The following ASAP1 variants were observed in gnomAD, a reference collection of about 807,000 sequenced individuals.
ASAP1 encodes the protein ArfGAP with SH3 domain, ankyrin repeat and PH domain 1, also known as arf-GAP with SH3 domain, ANK repeat and PH domain-containing protein 1.
In ASAP1, 43 loss-of-function variants were observed where a neutral mutation model predicts 145.2. The observed-to-expected ratio is 0.30, with a 90% CI of 0.23 to 0.38. The LOEUF (loss-of-function observed/expected upper bound fraction) is 0.38. Among genes scored for constraint, ASAP1 ranks in the 10% least tolerant of loss-of-function variants. The pLI, the probability that ASAP1 is intolerant of heterozygous loss-of-function variation, is 1.00. For missense variants in ASAP1, 1,018 were observed against 1,355.3 expected, an observed-to-expected ratio of 0.75 and a Z score of 3.91; for synonymous variants, 546 against 515.5, an observed-to-expected ratio of 1.06 and a Z score of -0.80.
chr8:130,209,847 T>C (rs892568806), intron 5 of ASAP1, among the ~76,000 whole-genome samples: 8 of 152,170 alleles, frequency 5.3e-5, no homozygotes, highest in Admixed American at 4.6e-4. Context: ...ACTCCAGTAT[T>C]TGCCAAACAT....
chr8:130,177,677 T>C (rs554015452), intron 9 of ASAP1, among the ~76,000 whole-genome samples: 1 of 152,340 alleles, frequency 6.6e-6, no homozygotes, highest in Non-Finnish European at 1.5e-5. Context: ...AAGACACTTA[T>C]ATAAGGTACA....
chr8:130,169,033 A>G lies in ASAP1; in HGVS notation c.781T>C (p.Leu261=). The change falls in exon 10 of 30, where the codon TTG becomes CTG. Residue 261 remains leucine (L), a synonymous_variant. Coordinates refer to ENST00000518721, the MANE Select transcript of ASAP1 (RefSeq NM_018482.4). Reference sequence around the variant, plus strand: ...GCCAGTTTTTCAATGTACTGTTTCAACTTATCAGCTGTTTTCAAGCCATCT... The same window carrying G: ...GCCAGTTTTTCAATGTACTGTTTCAGCTTATCAGCTGTTTTCAAGCCATCT... ...FQDGLKTADK[L]KQYIEKLAAD... 6.3e-7 allele frequency: 1 copy of G among 1,576,154 alleles called. No homozygotes were observed. The highest frequency in any genetic ancestry group is 1.2e-5 in the South Asian group (1 of 83,114).
chr8:130,057,945 C>A lies in ASAP1; in HGVS notation c.3315+9G>T. Reference sequence around the variant, plus strand: ...TGTACGGATGAAGTGGATGGATATTCGTACGTACCCACCACTCCTGGTCCT... The same window carrying A: ...TGTACGGATGAAGTGGATGGATATTAGTACGTACCCACCACTCCTGGTCCT... On this transcript the variant is annotated intron_variant, in intron 29 of 29. Transcript: ENST00000518721. 6.2e-7 allele frequency: 1 copy of A among 1,613,870 alleles called. No individual in the cohort carries two copies.
At chr8:130,232,780 C>G (rs973581460) in intron 4 of ASAP1, among the ~76,000 whole-genome samples, 1 of 152,136 alleles carries the variant, frequency 6.6e-6, no homozygotes, top group Non-Finnish European at 1.5e-5. Flanking sequence ...TAATCTCCAA[C>G]CAGAAATATA....
chr8:130,299,039 C>A (rs1206143549), intron 3 of ASAP1, among the ~76,000 whole-genome samples: 1 of 152,154 alleles, frequency 6.6e-6, no homozygotes, highest in African/African-American at 2.4e-5. Flanking sequence ...AATGAATGGC[C>A]TCTTACCTAA....
At chr8:130,429,697 T>C (rs1830070422) in intron 1 of ASAP1, among the ~76,000 whole-genome samples, 1 of 152,150 alleles carries the variant, frequency 6.6e-6, no homozygotes, top group Non-Finnish European at 1.5e-5. Flanking sequence ...GTTTAAAATA[T>C]CACTACTGAA....
chr8:130,321,176 A>C (rs558803999), intron 3 of ASAP1, among the ~76,000 whole-genome samples: 14 of 152,226 alleles, frequency 9.2e-5, no homozygotes, highest in East Asian at 3.9e-4. Context: ...TCCTGCCCCC[A>C]AAAAAACATG....
At chr8:130,375,154 G>A (rs140948751) in intron 2 of ASAP1, among the ~76,000 whole-genome samples, 9 of 152,260 alleles carry the variant, frequency 5.9e-5, no homozygotes, top group Admixed American at 3.9e-4. Context: ...ATCAGCAGGC[G>A]CAAAGAACCT....
In ASAP1 at chr8:130,433,537, G is replaced by GT. The variant is rs1203058895; in HGVS notation, c.-28+9922dup. 2.0e-5 allele frequency among the ~76,000 whole-genome samples: 3 copies of GT among 152,184 alleles called. No homozygotes were observed. The East Asian group carries it at 5.8e-4, about 29-fold the overall frequency. ...TGACACTGGTGCCAAATTATTAACA[G>GT]TTACATATCTTTCTCTTCTATTCAA... On this transcript the variant is annotated intron_variant, in intron 1 of 29. Coordinates refer to ENST00000518721, the MANE Select transcript of ASAP1 (RefSeq NM_018482.4).
At chr8:130,428,651 T>C (rs1455951759) in intron 1 of ASAP1, among the ~76,000 whole-genome samples, 1 of 147,278 alleles carries the variant, frequency 6.8e-6, no homozygotes, top group Admixed American at 6.7e-5. Context: ...ATCACCACCA[T>C]CATCACCATC....
chr8:130,431,945 AAAGGAGG>A (rs759891921), intron 1 of ASAP1, among the ~76,000 whole-genome samples: 132 of 114,434 alleles, frequency 1.2e-3, no homozygotes, highest in Non-Finnish European at 2.1e-3. Context: ...GAGGAGGAGG[AAAGGAGG>A]AAGGAGGAGG....
chr8:130,075,930 A>C (rs914926054), intron 27 of ASAP1, among the ~76,000 whole-genome samples: 2 of 152,272 alleles, frequency 1.3e-5, no homozygotes, highest in Non-Finnish European at 2.9e-5. Flanking sequence ...GTCCTTACAA[A>C]ACCTCACGAA....
chr8:130,147,745 G>A (rs892291260), intron 13 of ASAP1, among the ~76,000 whole-genome samples: 1 of 152,146 alleles, frequency 6.6e-6, no homozygotes, highest in Non-Finnish European at 1.5e-5. Context: ...CTCTCCCCCT[G>A]TTCAAAATGA....
chr8:130,351,864 C>T (rs1042855984), intron 3 of ASAP1, among the ~76,000 whole-genome samples: 14 of 152,194 alleles, frequency 9.2e-5, no homozygotes, highest in African/African-American at 2.4e-4. Flanking sequence ...CATATCAGGA[C>T]CAAAAGCATT....
chr8:130,236,553 C>CAGGT (rs1212076699), intron 4 of ASAP1, among the ~76,000 whole-genome samples: 2 of 152,084 alleles, frequency 1.3e-5, no homozygotes, highest in African/African-American at 4.8e-5. Context: ...CAAATGTGTA[C>CAGGT]AGGTACACTG....
intron 18 of ASAP1, among the ~76,000 whole-genome samples, chr8:130,120,841 G>A (rs180912193): frequency 2.0e-5 from 3 of 152,198 alleles, no homozygotes; most frequent in Non-Finnish European, 4.4e-5. Context: ...TAGTCCCCTG[G>A]CAATTTAATG....
chr8:130,287,567 G>C (rs1373443090), intron 3 of ASAP1, among the ~76,000 whole-genome samples: 1 of 152,090 alleles, frequency 6.6e-6, no homozygotes, highest in Non-Finnish European at 1.5e-5. Flanking sequence ...TGCGATGATG[G>C]GGACATAAAG....
chr8:130,112,604 C>T (rs1157655006), intron 23 of ASAP1, among the ~76,000 whole-genome samples: 1 of 152,238 alleles, frequency 6.6e-6, no homozygotes, highest in Non-Finnish European at 1.5e-5. Flanking sequence ...GTAGATTTAA[C>T]TTTTAATAAG....
At chr8:130,179,149 A>G (rs957531039) in intron 9 of ASAP1, 115 bp downstream of exon 9, 2 of 591,390 alleles carry the variant, frequency 3.4e-6, no homozygotes, top group South Asian at 2.6e-5. Flanking sequence ...AAAGGTCATT[A>G]TATCACTTTA....
Sources: gnomAD v4.1 joint callset for allele counts (sites outside exome capture counted in the v4.1 genomes callset) on GRCh38, gnomAD v4.1.1 for gene constraint, MANE v1.5 for transcripts, NCBI Gene and HGNC (gene_info 2026-07-23, HGNC 2026-07-21) for gene names.